The following CPNE7 variants were observed in gnomAD, a reference collection of about 807,000 sequenced individuals.
CPNE7 encodes copine-7.
In CPNE7, 78 loss-of-function variants were observed where a neutral mutation model predicts 66.5. That is an observed-to-expected ratio of 1.17 (90% CI 0.98 to 1.42). The LOEUF (loss-of-function observed/expected upper bound fraction) is 1.42. Among genes scored for constraint, CPNE7 ranks in the 40% most tolerant of loss-of-function variants. The pLI, the probability that CPNE7 is intolerant of heterozygous loss-of-function variation, is 0.00. For synonymous variants in CPNE7, 468 were observed against 336.7 expected (o/e 1.39, Z -4.27); for missense variants, 1,012 against 776.6 (o/e 1.30, Z -3.60).
rs1216582714 is a variant in CPNE7 at position 89,584,887 on chromosome 16, G to A, written c.591+30G>A. 1.3e-6 allele frequency: 2 copies of A among 1,590,164 alleles called. No homozygotes were observed. Among genetic ancestry groups the A allele is most frequent in the Non-Finnish European group, 1.7e-6 (2 of 1,160,270 alleles). On this transcript the variant is annotated intron_variant, in intron 5 of 14. Coordinates refer to ENST00000319518, the MANE Select transcript of CPNE7 (RefSeq NM_153636.3). The surrounding 1 kb of genome is among the most constrained non-coding windows in gnomAD (Gnocchi z 6.0). ...GCGGCCGGGGATGGGAACACAGGGA[G>A]GGGAAGGGGCTGTCCCCAGCCCTCA...
In CPNE7 at chr16:89,595,402, G is replaced by C. The variant is rs2059238546; in HGVS notation, c.1338G>C (p.Val446=). 2 of 1,596,266 alleles carry C rather than the reference G, an allele frequency of 1.3e-6. No homozygotes were observed. The highest frequency in any genetic ancestry group is 1.1e-5 in the South Asian group (1 of 89,674). The stretch of plus-strand genomic sequence containing the variant: ...TCCTGCTGATCCTGACGGACGGCGT[G>C]GTGACCGACATGGCCGACACACGGG... The part of the protein sequence containing the change: ...YYILLILTDG[V]VTDMADTREA... Residue 446 remains valine (V), a synonymous_variant, in exon 14 of 15, where the codon GTG becomes GTC. Coordinates refer to ENST00000319518, the MANE Select transcript of CPNE7 (RefSeq NM_153636.3).
rs554118047 is a variant in CPNE7 at position 89,579,417 on chromosome 16, C to G, written c.357+1696C>G. On this transcript the variant is annotated intron_variant, in intron 2 of 14. Coordinates refer to ENST00000319518, the MANE Select transcript of CPNE7 (RefSeq NM_153636.3). ...CATCCCGTCACACGGAACATCTCAC[C>G]TGTCACACAGAACATCCCTTCACCC... Among the ~76,000 whole-genome samples the G allele has an allele frequency of 1.9e-4, 29 of 152,006 alleles. 1 individual carries two copies. Among genetic ancestry groups the G allele is most frequent in the African/African-American group, 6.8e-4 (28 of 41,434 alleles).
intron 10 of CPNE7, 134 bp downstream of exon 10, chr16:89,588,942 C>T: frequency 9.4e-7 from 1 of 1,059,320 alleles, no homozygotes; most frequent in South Asian, 1.5e-5. Flanking sequence ...TTCCCTCACC[C>T]CCCTGGGCTC....
rs747643353 is a variant in CPNE7 at position 89,584,036 on chromosome 16, C to T, written c.441C>T (p.Ala147=). The stretch of plus-strand genomic sequence containing the variant: ...GGGCGTCCCCCTGCCAGGTGATCGC[C>T]GAGGACATCTCGGGGAACAACGGCT... The part of the protein sequence containing the change: ...NAGKSTITVI[A]EDISGNNGYV... The change falls in exon 4 of 15, where the codon GCC becomes GCT. Residue 147 remains alanine (A), a synonymous_variant. Transcript: ENST00000319518. This position sits in a 1 kb window ranked among gnomAD's most constrained non-coding sequence, Gnocchi z 6.0. The T allele has an allele frequency of 3.4e-5, 55 of 1,612,078 alleles. No homozygotes were observed. Among genetic ancestry groups the T allele is most frequent in the Admixed American group, 1.5e-4 (9 of 59,920 alleles).
chr16:89,591,410 G>A (rs1170098108), intron 13 of CPNE7, 150 bp downstream of exon 13: 3 of 1,116,552 alleles, frequency 2.7e-6, no homozygotes, highest in Non-Finnish European at 2.5e-6. Context: ...GGGCCCAGCT[G>A]GTTGACTACG....
intron 9 of CPNE7, 26 bp from the exon 10 acceptor site, chr16:89,588,649 A>G (rs758626610): frequency 2.5e-6 from 4 of 1,612,470 alleles, no homozygotes; most frequent in South Asian, 1.1e-5. Flanking sequence ...GGCCCAGCAC[A>G]GCTCCTGGCT....
chr16:89,586,522 C>T (rs1025838222), intron 7 of CPNE7, 148 bp from the exon 8 acceptor site: 339 of 633,796 alleles, frequency 5.3e-4, no homozygotes, highest in Non-Finnish European at 1.1e-4. Context: ...CACTCTGCCC[C>T]TTCCTGCTGC....
At chr16:89,576,217 T>G (rs1295973631) in intron 1 of CPNE7, 146 bp downstream of exon 1, 23 of 550,642 alleles carry the variant, frequency 4.2e-5, no homozygotes, top group Non-Finnish European at 4.8e-5. Context: ...GGGTCAGGGT[T>G]GGGGGTTACC....
At position 89,596,561 on chromosome 16, in the gene CPNE7, C is replaced by G; in HGVS notation, c.1617C>G (p.Gly539=). The change falls in exon 15 of 15, where the codon GGC becomes GGG. Residue 539 remains glycine, a synonymous_variant. Coordinates refer to ENST00000319518, the MANE Select transcript of CPNE7 (RefSeq NM_153636.3). ...TGGTGGAGTACTACAGCCACAGAGG[C>G]CTGCCCCCGAGAAGCCTGGGTGTCC... The part of the protein sequence containing the change: ...KQVVEYYSHR[G]LPPRSLGVPA... 1 of 1,609,166 alleles carries G rather than the reference C, an allele frequency of 6.2e-7. No homozygotes were observed. The highest frequency in any genetic ancestry group is 8.5e-7 in the Non-Finnish European group (1 of 1,179,774).
In CPNE7 at chr16:89,593,552, C is replaced by CG. The variant is rs1248079382; in HGVS notation, c.1303-1815_1303-1814insG. 5.9e-5 allele frequency among the ~76,000 whole-genome samples: 9 copies of CG among 151,958 alleles called. No homozygotes were observed. The South Asian group carries it at 1.2e-3, about 21-fold the overall frequency. On this transcript the variant is annotated intron_variant, in intron 13 of 14. Coordinates refer to ENST00000319518, the MANE Select transcript of CPNE7 (RefSeq NM_153636.3). Reference sequence around the variant, plus strand: ...TATTTTTAGTAGAGACGGGGTTTCACTGTGTTAGCCAGGATGGTCTCGATC... The same window carrying CG: ...TATTTTTAGTAGAGACGGGGTTTCACGTGTGTTAGCCAGGATGGTCTCGATC...
chr16:89,583,303 C>T, intron 2 of CPNE7: 1 of 804,818 alleles, frequency 1.2e-6, no homozygotes, highest in Non-Finnish European at 2.1e-6. Flanking sequence ...TCTGCGGGTT[C>T]TCACCTGGGC....
At position 89,584,156 on chromosome 16, in the gene CPNE7, C is replaced by A; in HGVS notation, c.507+54C>A. The A allele has an allele frequency of 6.4e-7, 1 of 1,562,372 alleles. No individual in the cohort carries two copies. Among genetic ancestry groups the A allele is most frequent in the Non-Finnish European group, 8.7e-7 (1 of 1,147,156 alleles). ...TCAGGCTGAGGTCCGGGAACCGGTT[C>A]GAAAACCCGGTCCCTGCCCAGCGCT... On this transcript the variant is annotated intron_variant, in intron 4 of 14. Transcript: ENST00000319518. The surrounding 1 kb of genome is among the most constrained non-coding windows in gnomAD (Gnocchi z 6.0).
chr16:89,584,940 C>G lies in CPNE7; in HGVS notation c.591+83C>G, dbSNP rs540345767. On this transcript the variant is annotated intron_variant, in intron 5 of 14. Coordinates refer to ENST00000319518, the MANE Select transcript of CPNE7 (RefSeq NM_153636.3). This position sits in a 1 kb window ranked among gnomAD's most constrained non-coding sequence, Gnocchi z 6.0. ...CATCTCTGGCCACATGGGAGGAGCT[C>G]CCAGCCTCCAACAGGGAGCTGTGGG... 2.4e-6 allele frequency: 3 copies of G among 1,243,132 alleles called. No individual in the cohort carries two copies. The highest frequency in any genetic ancestry group is 1.2e-5 in the South Asian group (1 of 81,044). 77.0% of individuals were successfully genotyped at this position (1,243,132 alleles called of 1,614,324 possible).
Position 89,584,922 on chromosome 16 carries a change from G to A in CPNE7, c.591+65G>A. ...CTGTCCCCAGCCCTCACGCATCTCT[G>A]GCCACATGGGAGGAGCTCCCAGCCT... On this transcript the variant is annotated intron_variant, in intron 5 of 14. Transcript: ENST00000319518. This position sits in a 1 kb window ranked among gnomAD's most constrained non-coding sequence, Gnocchi z 6.0. The A allele has an allele frequency of 2.1e-6, 3 of 1,414,384 alleles. No homozygotes were observed. Among genetic ancestry groups the A allele is most frequent in the Non-Finnish European group, 3.0e-6 (3 of 1,007,400 alleles). The allele number at this position is 1,414,384 out of a possible 1,614,324, so 87.6% of individuals were successfully genotyped here. A position where few individuals can be genotyped will look rare whatever the true frequency, so the allele number is the denominator to read the frequency against.
Position 89,584,660 on chromosome 16 carries a change from T to G in CPNE7, c.508-114T>G. On this transcript the variant is annotated intron_variant, in intron 4 of 14. Coordinates refer to ENST00000319518, the MANE Select transcript of CPNE7 (RefSeq NM_153636.3). This position sits in a 1 kb window ranked among gnomAD's most constrained non-coding sequence, Gnocchi z 6.0. ...GGGACTGGCTGCCTCGTTTTGTGCCTGAGGAATTAGCGGCTGGTGGCATGA... is the reference window on the plus strand; with the variant it reads ...GGGACTGGCTGCCTCGTTTTGTGCCGGAGGAATTAGCGGCTGGTGGCATGA... 3 of 761,260 alleles carry G rather than the reference T, an allele frequency of 3.9e-6. No individual in the cohort carries two copies. The highest frequency in any genetic ancestry group is 1.6e-5 in the South Asian group (1 of 64,324). 47.2% of individuals were successfully genotyped at this position (761,260 alleles called of 1,614,324 possible). A position where few individuals can be genotyped will look rare whatever the true frequency, so the allele number is the denominator to read the frequency against.
At chr16:89,587,923 CG>C (rs2059099526) in intron 9 of CPNE7, among the ~76,000 whole-genome samples, 2 of 57,758 alleles carry the variant, frequency 3.5e-5, no homozygotes, top group Non-Finnish European at 7.4e-5. Context: ...CCGTGTCACC[CG>C]CGTGTCACCC....
At chr16:89,592,966 C>G (rs561676084) in intron 13 of CPNE7, among the ~76,000 whole-genome samples, 3 of 151,210 alleles carry the variant, frequency 2.0e-5, no homozygotes, top group African/African-American at 7.3e-5. Flanking sequence ...GCGCCCGCCA[C>G]CATACCCGGC....
At chr16:89,579,186 G>A (rs979269255) in intron 2 of CPNE7, among the ~76,000 whole-genome samples, 2 of 152,032 alleles carry the variant, frequency 1.3e-5, no homozygotes, top group African/African-American at 4.8e-5. Flanking sequence ...CAGCTACTGG[G>A]GAGGCTGAGG....
At chr16:89,578,774 A>G in intron 2 of CPNE7, 1 of 1,414,852 alleles carries the variant, frequency 7.1e-7, no homozygotes, top group Non-Finnish European at 9.2e-7. Flanking sequence ...AAAAAAAAAA[A>G]AAAAGAAGCC....
Sources: gnomAD v4.1 joint callset for allele counts (sites outside exome capture counted in the v4.1 genomes callset) on GRCh38, gnomAD v4.1.1 for gene constraint, Gnocchi (gnomAD v3.1) non-coding constraint, MANE v1.5 for transcripts, NCBI Gene and HGNC (gene_info 2026-07-23, HGNC 2026-07-21) for gene names.